Variants in PTPRD observed in about 807,000 individuals in gnomAD.
PTPRD encodes the protein receptor-type tyrosine-protein phosphatase delta.
Under a neutral mutation model 214.5 loss-of-function variants are expected in PTPRD, and 34 were observed. The ratio of observed to expected loss-of-function variants is 0.16; its 90% confidence interval spans 0.12 to 0.21. PTPRD has a LOEUF of 0.21. Among genes scored for constraint, PTPRD ranks in the 10% least tolerant of loss-of-function variants. PTPRD has a pLI of 1.00. For synonymous variants in PTPRD, 1,128 were observed against 845.7 expected (o/e 1.33, Z -5.79); for missense variants, 2,545 against 2,398.7 (o/e 1.06, Z -1.27).
At chr9:9,827,018 G>T (rs2053125956) in intron 5 of PTPRD, among the ~76,000 whole-genome samples, 1 of 152,050 alleles carries the variant, frequency 6.6e-6, no homozygotes, top group African/African-American at 2.4e-5. Flanking sequence ...ACAAACAAAT[G>T]GAAGAACATT....
chr9:10,421,408 C>A (rs564616795), intron 2 of PTPRD, among the ~76,000 whole-genome samples: 36 of 152,014 alleles, frequency 2.4e-4, no homozygotes, highest in African/African-American at 8.4e-4. Context: ...TTGATGAAAA[C>A]CATATCCAGA....
chr9:8,978,298 G>C (rs1039512582), intron 11 of PTPRD, among the ~76,000 whole-genome samples: 1 of 152,062 alleles, frequency 6.6e-6, no homozygotes, highest in Non-Finnish European at 1.5e-5. Flanking sequence ...CTTTCTGCTG[G>C]CATTATGGTT....
intron 2 of PTPRD, among the ~76,000 whole-genome samples, chr9:10,493,604 T>G (rs1672340603): frequency 6.6e-6 from 1 of 152,054 alleles, no homozygotes. Flanking sequence ...TAATACAGGG[T>G]TTCTTTTAAT....
At chr9:8,867,063 G>A (rs2098211482) in intron 11 of PTPRD, among the ~76,000 whole-genome samples, 1 of 152,120 alleles carries the variant, frequency 6.6e-6, no homozygotes, top group Admixed American at 6.6e-5. Flanking sequence ...AAGTTCTTGT[G>A]TCAGATAATT....
intron 9 of PTPRD, among the ~76,000 whole-genome samples, chr9:9,327,278 A>G (rs182642635): frequency 6.6e-6 from 1 of 152,312 alleles, no homozygotes; most frequent in Admixed American, 6.5e-5. Context: ...CAATTCTGCT[A>G]CTTCTTTTGG....
At chr9:8,748,108 A>G (rs1287215239) in intron 11 of PTPRD, among the ~76,000 whole-genome samples, 1 of 152,130 alleles carries the variant, frequency 6.6e-6, no homozygotes, top group Non-Finnish European at 1.5e-5. Context: ...CACAACAACT[A>G]CTATGCCCCA....
At chr9:8,388,700 C>T (rs990441432) in intron 37 of PTPRD, among the ~76,000 whole-genome samples, 11 of 152,120 alleles carry the variant, frequency 7.2e-5, no homozygotes, top group Non-Finnish European at 1.3e-4. Flanking sequence ...GCAAAACGCC[C>T]TCTATGCATT....
chr9:9,821,022 G>C (rs1158181424), intron 5 of PTPRD, among the ~76,000 whole-genome samples: 1 of 152,086 alleles, frequency 6.6e-6, no homozygotes, highest in Non-Finnish European at 1.5e-5. Context: ...GAAACATGTT[G>C]GTAGTTTGAT....
intron 8 of PTPRD, among the ~76,000 whole-genome samples, chr9:9,514,998 T>G (rs970110901): frequency 6.6e-6 from 1 of 152,130 alleles, no homozygotes; most frequent in Non-Finnish European, 1.5e-5. Flanking sequence ...CAAGAGGTCA[T>G]GAACCATTTT....
chr9:10,482,335 C>G (rs1462560063), intron 2 of PTPRD, among the ~76,000 whole-genome samples: 1 of 152,020 alleles, frequency 6.6e-6, no homozygotes, highest in Non-Finnish European at 1.5e-5. Context: ...GGCGCCACTG[C>G]ACTCCAGCCT....
At chr9:8,955,553 A>G (rs918941029) in intron 11 of PTPRD, among the ~76,000 whole-genome samples, 2 of 151,882 alleles carry the variant, frequency 1.3e-5, no homozygotes, top group Admixed American at 6.6e-5. Context: ...GCTCTTCGTT[A>G]TAAGCTTCCC....
intron 3 of PTPRD, among the ~76,000 whole-genome samples, chr9:10,253,843 T>C (rs1368399346): frequency 6.6e-6 from 1 of 152,234 alleles, no homozygotes; most frequent in East Asian, 1.9e-4. Flanking sequence ...TATGGAACTG[T>C]AGTTCTTCAT....
At chr9:10,504,238 T>G (rs1378050419) in intron 2 of PTPRD, among the ~76,000 whole-genome samples, 2 of 148,424 alleles carry the variant, frequency 1.3e-5, no homozygotes, top group Non-Finnish European at 3.0e-5. Context: ...CATCGAACTC[T>G]CTCCTATCTA....
intron 8 of PTPRD, among the ~76,000 whole-genome samples, chr9:9,426,405 C>G (rs2080941386): frequency 6.6e-6 from 1 of 152,178 alleles, no homozygotes; most frequent in South Asian, 2.1e-4. Context: ...AACAAAGCAG[C>G]TGGGAAGCTC....
In PTPRD at chr9:9,769,899, G is replaced by A. The variant is rs966485658; in HGVS notation, c.-367-3048C>T. Among the ~76,000 whole-genome samples, 5 of 152,042 alleles carry A rather than the reference G, an allele frequency of 3.3e-5. No homozygotes were observed. In the South Asian group the frequency reaches 6.2e-4, roughly 19 times the overall value. ...CCTGTATTAGTTTTCTGAGAATGACGGTTTCCAGCTTCATCCATGTCCCTG... is the reference window on the plus strand; with the variant it reads ...CCTGTATTAGTTTTCTGAGAATGACAGTTTCCAGCTTCATCCATGTCCCTG... On this transcript the variant is annotated intron_variant, in intron 5 of 45. Coordinates refer to ENST00000381196, the MANE Select transcript of PTPRD (RefSeq NM_002839.4).
rs977208797 is a variant in PTPRD at position 9,570,047 on chromosome 9, C to T, written c.-237+4685G>A. Reference sequence around the variant, plus strand: ...TATATTTTTTAGGGAAAAAAAATAACCCCACAGAACTGCACTTTAACAATT... The same window carrying T: ...TATATTTTTTAGGGAAAAAAAATAATCCCACAGAACTGCACTTTAACAATT... On this transcript the variant is annotated intron_variant, in intron 8 of 45. Coordinates refer to ENST00000381196, the MANE Select transcript of PTPRD (RefSeq NM_002839.4). Among the ~76,000 whole-genome samples, 10 of 151,492 alleles carry T rather than the reference C, an allele frequency of 6.6e-5. No individual in the cohort carries two copies. The East Asian group carries it at 1.9e-3, about 29-fold the overall frequency.
chr9:9,200,300 C>T (rs2099941111), intron 9 of PTPRD, among the ~76,000 whole-genome samples: 1 of 152,168 alleles, frequency 6.6e-6, no homozygotes, highest in African/African-American at 2.4e-5. Flanking sequence ...TGAGATGAAA[C>T]ACATTCCTTT....
chr9:9,558,766 A>T (rs1223601301), intron 8 of PTPRD, among the ~76,000 whole-genome samples: 1 of 152,180 alleles, frequency 6.6e-6, no homozygotes, highest in African/African-American at 2.4e-5. Context: ...CTGAGACAAA[A>T]GTCCAGGCAG....
At chr9:10,341,281 C>T (rs190114052) in intron 2 of PTPRD, among the ~76,000 whole-genome samples, 1 of 151,918 alleles carries the variant, frequency 6.6e-6, no homozygotes, top group African/African-American at 2.4e-5. Context: ...ACAAGAAATG[C>T]CAAACGCTAG....
Sources: gnomAD v4.1 joint callset for allele counts (sites outside exome capture counted in the v4.1 genomes callset) on GRCh38, gnomAD v4.1.1 for gene constraint, MANE v1.5 for transcripts, NCBI Gene and HGNC (gene_info 2026-07-23, HGNC 2026-07-21) for gene names.